Variants in CGNL1 observed in about 807,000 individuals in gnomAD.
CGNL1 encodes cingulin-like protein 1.
A neutral mutation model predicts 141.2 loss-of-function variants in CGNL1; 132 were observed. That is an observed-to-expected ratio of 0.93 (90% CI 0.81 to 1.08). The LOEUF (loss-of-function observed/expected upper bound fraction) is 1.08, where lower values mean the gene tolerates loss of function less well. Among genes scored for constraint, CGNL1 ranks in the 50% least tolerant of loss-of-function variants. The pLI is 0.00. For synonymous variants in CGNL1, 690 were observed against 622.1 expected (o/e 1.11, Z -1.63); for missense variants, 1,870 against 1,588.6 (o/e 1.18, Z -3.01).
chr15:57,442,182 G>GAAAAAAAAAAA (rs61564944), intron 3 of CGNL1, among the ~76,000 whole-genome samples, 191 bp from the exon 4 acceptor site: 1,570 of 96,438 alleles, frequency 0.016, 151 homozygotes, highest in Middle Eastern at 0.022. Context: ...TCATTTATTT[G>GAAAAAAAAAAA]AAAAAAAAAA....
chr15:57,519,430 C>A (rs952929383), intron 10 of CGNL1, among the ~76,000 whole-genome samples: 8 of 152,156 alleles, frequency 5.3e-5, no homozygotes, highest in Non-Finnish European at 1.2e-4. Flanking sequence ...TCAGCTTCAT[C>A]TCCTAGAGTA....
intron 1 of CGNL1, among the ~76,000 whole-genome samples, chr15:57,437,443 A>C (rs1017372095): frequency 5.3e-5 from 8 of 152,012 alleles, no homozygotes; most frequent in Non-Finnish European, 2.9e-5. Flanking sequence ...AAAAAGGCTG[A>C]AAGTGTTTTG....
chr15:57,458,881 C>A (rs1277125067), intron 7 of CGNL1, among the ~76,000 whole-genome samples: 9 of 152,224 alleles, frequency 5.9e-5, no homozygotes, highest in Non-Finnish European at 8.8e-5. Context: ...GACATTTCTT[C>A]TGAGCTTGTC....
intron 1 of CGNL1, among the ~76,000 whole-genome samples, chr15:57,392,508 C>G (rs2062554482): frequency 6.6e-6 from 1 of 152,218 alleles, no homozygotes; most frequent in African/African-American, 2.4e-5. Flanking sequence ...CCCAACCAAG[C>G]AGCTCAAGTC....
intron 9 of CGNL1, 111 bp downstream of exon 9, chr15:57,517,097 G>T (rs2030874905): frequency 2.8e-6 from 3 of 1,059,258 alleles, no homozygotes; most frequent in Admixed American, 4.6e-5. Context: ...AGTAGGAAAG[G>T]TCAAGGCAAT....
chr15:57,438,232 C>T lies in CGNL1; in HGVS notation c.233C>T (p.Pro78Leu), dbSNP rs565854948. The stretch of plus-strand genomic sequence containing the variant: ...TCTGAAAATGGGCCACCCTTTCCAC[C>T]TCCAGTGATAAATAACCTGCCTCTA... ...SFSENGPPFP[P>L]PVINNLPLHS... is the part of the protein sequence containing the mutation. Residue 78 changes from proline (P) to leucine (L), a missense_variant, in exon 2 of 19, where the codon CCT becomes CTT. Pro to Leu is a moderately conservative substitution (Grantham distance 98, BLOSUM62 -3). Coordinates refer to ENST00000281282, the MANE Select transcript of CGNL1 (RefSeq NM_032866.5). 31 of 1,614,192 alleles carry T rather than the reference C, an allele frequency of 1.9e-5. 2 individuals carry two copies. In the African/African-American group the frequency reaches 2.7e-4, roughly 14 times the overall value.
chr15:57,454,840 A>T, intron 7 of CGNL1, among the ~76,000 whole-genome samples: 1 of 152,182 alleles, frequency 6.6e-6, no homozygotes, highest in South Asian at 2.1e-4. Context: ...AGTTACAAAG[A>T]CAAGAAGATA....
intron 4 of CGNL1, among the ~76,000 whole-genome samples, chr15:57,446,599 T>C (rs1256045136): frequency 6.6e-6 from 1 of 152,110 alleles, no homozygotes; most frequent in African/African-American, 2.4e-5. Context: ...TCAGTCAACA[T>C]AGTGTATACT....
intron 1 of CGNL1, among the ~76,000 whole-genome samples, chr15:57,428,747 G>T (rs149427638): frequency 6.6e-6 from 1 of 152,162 alleles, no homozygotes; most frequent in Non-Finnish European, 1.5e-5. Context: ...ACTGTGGGCC[G>T]GGCGTAGTGG....
chr15:57,385,224 T>C (rs1243956448), intron 1 of CGNL1, among the ~76,000 whole-genome samples: 3 of 152,210 alleles, frequency 2.0e-5, no homozygotes, highest in Non-Finnish European at 4.4e-5. Flanking sequence ...TTTAAATGCA[T>C]GAGCTAGTAG....
chr15:57,385,988 A>G (rs2152222135), intron 1 of CGNL1, among the ~76,000 whole-genome samples: 1 of 152,372 alleles, frequency 6.6e-6, no homozygotes, highest in Non-Finnish European at 1.5e-5. Context: ...CAAGGGAGCT[A>G]TTGGCCAGGG....
intron 1 of CGNL1, among the ~76,000 whole-genome samples, chr15:57,422,590 C>G (rs1019418185): frequency 2.6e-5 from 4 of 152,086 alleles, no homozygotes; most frequent in Non-Finnish European, 5.9e-5. Context: ...CAGCATAGTT[C>G]GGAGCAGGTT....
At chr15:57,473,269 G>C (rs974596772) in intron 8 of CGNL1, among the ~76,000 whole-genome samples, 4 of 152,150 alleles carry the variant, frequency 2.6e-5, no homozygotes, top group Admixed American at 6.5e-5. Context: ...TCTAAATTCT[G>C]CCTGATGGAT....
rs780359042 is a variant in CGNL1 at position 57,516,796 on chromosome 15, C to T, written c.2420C>T (p.Ala807Val). ...TTTTAACAGAATGTCGAGGTCTTGG[C>T]GAGCAGGAGCAACACTTCAGAGCAA... ...EEATKNVEVL[A>V]SRSNTSEQDQ... Residue 807 changes from alanine to valine, a missense_variant, in exon 9 of 19, where the codon GCG (alanine) becomes GTG (valine). Transcript: ENST00000281282. 59 of 1,613,922 alleles carry T rather than the reference C, an allele frequency of 3.7e-5. No homozygotes were observed. The highest frequency in any genetic ancestry group is 1.7e-4 in the Middle Eastern group (1 of 6,050).
At chr15:57,377,991 G>A (rs879412916) in intron 1 of CGNL1, among the ~76,000 whole-genome samples, 3 of 152,188 alleles carry the variant, frequency 2.0e-5, no homozygotes, top group Non-Finnish European at 4.4e-5. Context: ...TGATATTTGT[G>A]TTAACATAAG....
Position 57,438,167 on chromosome 15 carries a change from C to A in CGNL1, c.168C>A (p.Val56=). 6.2e-7 allele frequency: 1 copy of A among 1,614,184 alleles called. No individual in the cohort carries two copies. Among genetic ancestry groups the A allele is most frequent in the Non-Finnish European group, 8.5e-7 (1 of 1,180,022 alleles). ...GAATTGATGGTCACCCCTATATTGT[C>A]CTGAATAACACAGAACGGTGCCTAG... is the stretch of plus-strand genomic sequence containing the variant. ...VQGIDGHPYI[V]LNNTERCLAG... The change falls in exon 2 of 19, where the codon GTC becomes GTA. Residue 56 remains valine (V), a synonymous_variant. Coordinates refer to ENST00000281282, the MANE Select transcript of CGNL1 (RefSeq NM_032866.5).
intron 1 of CGNL1, chr15:57,377,036 C>G (rs1219095473): frequency 6.6e-6 from 1 of 151,872 alleles, no homozygotes; most frequent in African/African-American, 2.4e-5. Flanking sequence ...ACCTTTCTCT[C>G]CCCGATCCTC....
rs2063268482 is a variant in CGNL1 at position 57,447,457 on chromosome 15, C to G, written c.1804-4043C>G. Reference sequence around the variant, plus strand: ...TTAAAGACGTTATTCGTCTTTTGACCTCAGTTGGCTCCATTGGAAAGCCAG... The same window carrying G: ...TTAAAGACGTTATTCGTCTTTTGACGTCAGTTGGCTCCATTGGAAAGCCAG... On this transcript the variant is annotated intron_variant, in intron 4 of 18. Transcript: ENST00000281282. Among the ~76,000 whole-genome samples the G allele has an allele frequency of 2.0e-5, 3 of 152,142 alleles. No homozygotes were observed. In the South Asian group the frequency reaches 6.2e-4, roughly 32 times the overall value.
chr15:57,416,450 A>G (rs929832257), intron 1 of CGNL1, among the ~76,000 whole-genome samples: 3 of 152,112 alleles, frequency 2.0e-5, no homozygotes, highest in African/African-American at 4.8e-5. Flanking sequence ...AGACCTTTGC[A>G]TCCTGCTCTT....
Sources: allele counts gnomAD v4.1 joint callset (sites outside exome capture counted in the v4.1 genomes callset), GRCh38; gene constraint gnomAD v4.1.1; transcripts MANE v1.5; gene names NCBI Gene and HGNC (gene_info 2026-07-23, HGNC 2026-07-21).